Variants in CNTNAP5 observed in about 807,000 individuals in gnomAD.
CNTNAP5 encodes the protein contactin associated protein family member 5, also known as contactin-associated protein-like 5.
Under a neutral mutation model 150.2 loss-of-function variants are expected in CNTNAP5, and 72 were observed. That is an observed-to-expected ratio of 0.48 (90% CI 0.40 to 0.58). CNTNAP5 has a LOEUF of 0.58. Among genes scored for constraint, CNTNAP5 ranks in the 20% least tolerant of loss-of-function variants. CNTNAP5 has a pLI of 0.00. For synonymous variants in CNTNAP5, 672 were observed against 619.8 expected (o/e 1.08, Z -1.25); for missense variants, 1,636 against 1,626.2 (o/e 1.01, Z -0.10).
intron 3 of CNTNAP5, among the ~76,000 whole-genome samples, chr2:124,274,251 A>T (rs1402448483): frequency 6.6e-6 from 1 of 152,212 alleles, no homozygotes; most frequent in Non-Finnish European, 1.5e-5. Context: ...CATACTGGAC[A>T]GCCACCTCAC....
At chr2:124,512,321 G>A (rs1366269448) in intron 8 of CNTNAP5, among the ~76,000 whole-genome samples, 1 of 151,860 alleles carries the variant, frequency 6.6e-6, no homozygotes, top group Non-Finnish European at 1.5e-5. Context: ...CAGTATTAAA[G>A]AGTAAGTCTA....
At chr2:124,802,979 G>A (rs1480851940) in intron 19 of CNTNAP5, among the ~76,000 whole-genome samples, 1 of 152,020 alleles carries the variant, frequency 6.6e-6, no homozygotes, top group African/African-American at 2.4e-5. Context: ...GCCAGGCATG[G>A]TGGCGGGTGC....
intron 3 of CNTNAP5, among the ~76,000 whole-genome samples, chr2:124,284,502 C>T (rs1337291142): frequency 1.3e-5 from 2 of 151,968 alleles, no homozygotes; most frequent in African/African-American, 2.4e-5. Flanking sequence ...ATAGCTAATG[C>T]GTGTGGGGCT....
intron 7 of CNTNAP5, 52 bp downstream of exon 7, chr2:124,474,934 GT>G: frequency 6.5e-7 from 1 of 1,532,210 alleles, no homozygotes; most frequent in Non-Finnish European, 8.8e-7. Context: ...TTTGGGGTAA[GT>G]CTTGCTTTCA....
At chr2:124,504,211 C>A (rs1694344360) in intron 7 of CNTNAP5, 81 bp from the exon 8 acceptor site, 1 of 1,383,030 alleles carries the variant, frequency 7.2e-7, no homozygotes, top group Admixed American at 1.8e-5. Flanking sequence ...TTAAGGTCAG[C>A]TCCAGGTGGT....
chr2:124,131,932 T>G (rs908980350), intron 1 of CNTNAP5, among the ~76,000 whole-genome samples: 23 of 152,132 alleles, frequency 1.5e-4, no homozygotes, highest in Admixed American at 3.9e-4. Flanking sequence ...GCAATGGGTG[T>G]GTGTGAAGAG....
intron 11 of CNTNAP5, among the ~76,000 whole-genome samples, chr2:124,568,479 TA>T (rs1696080962): frequency 6.6e-6 from 1 of 152,226 alleles, no homozygotes; most frequent in South Asian, 2.1e-4. Flanking sequence ...ATGAGATTCC[TA>T]TAAAGCACTT....
chr2:124,543,425 T>C (rs190959727), intron 10 of CNTNAP5, among the ~76,000 whole-genome samples: 3 of 152,150 alleles, frequency 2.0e-5, no homozygotes, highest in Admixed American at 6.6e-5. Context: ...ATCTGCTGAG[T>C]GTACCCTGTG....
intron 12 of CNTNAP5, among the ~76,000 whole-genome samples, chr2:124,643,228 G>T (rs969588700): frequency 5.9e-5 from 9 of 152,166 alleles, no homozygotes; most frequent in African/African-American, 1.7e-4. Flanking sequence ...TAAAAGAATT[G>T]ATCTGGGTTA....
At chr2:124,438,957 G>T (rs1692608661) in intron 5 of CNTNAP5, among the ~76,000 whole-genome samples, 2 of 152,126 alleles carry the variant, frequency 1.3e-5, no homozygotes, top group Admixed American at 1.3e-4. Context: ...TAGCTGCAAA[G>T]CTGTAGATAT....
chr2:124,433,111 T>C (rs1210309220), intron 4 of CNTNAP5, among the ~76,000 whole-genome samples: 1 of 152,224 alleles, frequency 6.6e-6, no homozygotes, highest in Non-Finnish European at 1.5e-5. Flanking sequence ...GAATCCATTA[T>C]GTTATCTATA....
rs1286457011 is a variant in CNTNAP5, at chr2:124,240,920, C to T, written c.188-1280C>T. Among the ~76,000 whole-genome samples, 3 of 152,104 alleles carry T rather than the reference C, an allele frequency of 2.0e-5. No homozygotes were observed. The East Asian group carries it at 5.8e-4, about 29-fold the overall frequency. On this transcript the variant is annotated intron_variant, in intron 2 of 23. Coordinates refer to ENST00000682447, the MANE Select transcript of CNTNAP5 (RefSeq NM_001367498.1). The stretch of plus-strand genomic sequence containing the variant: ...CAAGGAGATGTCCAAATGACTTCTT[C>T]CAAGGTGGCGAGAAAGTAGACTGAA...
intron 6 of CNTNAP5, among the ~76,000 whole-genome samples, chr2:124,451,073 T>TAC (rs1160652376): frequency 1.2e-4 from 12 of 97,732 alleles, no homozygotes; most frequent in African/African-American, 3.5e-4. Flanking sequence ...TATATATATA[T>TAC]ATATACACAC....
intron 9 of CNTNAP5, among the ~76,000 whole-genome samples, chr2:124,526,686 A>G (rs542347236): frequency 9.5e-4 from 145 of 152,334 alleles, no homozygotes; most frequent in Non-Finnish European, 1.5e-3. Flanking sequence ...ACAGCCCTAA[A>G]ATGACATGCA....
At chr2:124,478,957 C>A (rs1693705658) in intron 7 of CNTNAP5, among the ~76,000 whole-genome samples, 2 of 152,220 alleles carry the variant, frequency 1.3e-5, no homozygotes, top group Admixed American at 1.3e-4. Context: ...TCATTGCAAT[C>A]TGTCATCTCT....
chr2:124,336,841 G>A (rs911159802), intron 3 of CNTNAP5, among the ~76,000 whole-genome samples: 1 of 152,078 alleles, frequency 6.6e-6, no homozygotes, highest in East Asian at 1.9e-4. Context: ...ACATACTGGT[G>A]TGTGTGTCTT....
At chr2:124,566,742 CT>C (rs1696033810) in intron 11 of CNTNAP5, among the ~76,000 whole-genome samples, 2 of 152,282 alleles carry the variant, frequency 1.3e-5, no homozygotes, top group East Asian at 1.9e-4. Flanking sequence ...TAATTTCCCC[CT>C]CCCCCAGTTG....
intron 21 of CNTNAP5, among the ~76,000 whole-genome samples, chr2:124,875,175 T>C (rs1015599270): frequency 2.0e-5 from 3 of 152,034 alleles, no homozygotes; most frequent in African/African-American, 7.2e-5. Flanking sequence ...TACAGTATCA[T>C]TGAATGAAAA....
At chr2:124,097,982 G>C (rs921549283) in intron 1 of CNTNAP5, among the ~76,000 whole-genome samples, 4 of 152,034 alleles carry the variant, frequency 2.6e-5, no homozygotes, top group Non-Finnish European at 5.9e-5. Context: ...GGGCCGAGAT[G>C]GCGCCACTGC....
Sources: allele counts gnomAD v4.1 joint callset (sites outside exome capture counted in the v4.1 genomes callset), GRCh38; gene constraint gnomAD v4.1.1; transcripts MANE v1.5; gene names NCBI Gene and HGNC (gene_info 2026-07-23, HGNC 2026-07-21).